RPS6KA2: variants seen among roughly 807,000 people sequenced by gnomAD.
The protein encoded by RPS6KA2 is ribosomal protein S6 kinase A2.
In RPS6KA2, 42 loss-of-function variants were observed where a neutral mutation model predicts 91.8. The observed-to-expected ratio is 0.46, with a 90% CI of 0.36 to 0.59. RPS6KA2 has a LOEUF of 0.59. Ranked by LOEUF, RPS6KA2 falls within the 20% of genes least tolerant of loss-of-function variation. The pLI is 0.00. For missense variants in RPS6KA2, 798 were observed against 978.5 expected, an observed-to-expected ratio of 0.82 and a Z score of 2.46; for synonymous variants, 414 against 393.6, an observed-to-expected ratio of 1.05 and a Z score of -0.61.
chr6:166,463,798 A>T (rs1443501396), intron 11 of RPS6KA2, among the ~76,000 whole-genome samples: 1 of 152,248 alleles, frequency 6.6e-6, no homozygotes, highest in East Asian at 1.9e-4. Flanking sequence ...AAAAATATGC[A>T]GACCAGAGAG....
At chr6:166,618,721 G>A (rs74693091) in intron 1 of RPS6KA2, among the ~76,000 whole-genome samples, 2,450 of 152,322 alleles carry the variant, frequency 0.016, 71 homozygotes, top group African/African-American at 0.056. Context: ...TAGGACGAGC[G>A]TCTCAGACGT....
chr6:166,858,626 A>C (rs1780972144), intron 1 of RPS6KA2, among the ~76,000 whole-genome samples: 1 of 152,234 alleles, frequency 6.6e-6, no homozygotes, highest in African/African-American at 2.4e-5. Context: ...AACGGAGCTG[A>C]TGTGGAAGCA....
intron 1 of RPS6KA2, among the ~76,000 whole-genome samples, chr6:166,543,844 C>T (rs1425576243): frequency 6.6e-6 from 1 of 151,050 alleles, no homozygotes; most frequent in Non-Finnish European, 1.5e-5. Flanking sequence ...CGCATGTGTA[C>T]ATGTGGAATG....
At chr6:166,678,566 C>T (rs144487331) in intron 2 of RPS6KA2, among the ~76,000 whole-genome samples, 30 of 152,358 alleles carry the variant, frequency 2.0e-4, no homozygotes, top group African/African-American at 7.0e-4. Flanking sequence ...AAGGCTTCCA[C>T]TCTGCATGTC....
intron 2 of RPS6KA2, among the ~76,000 whole-genome samples, chr6:166,725,628 G>C (rs1790313312): frequency 6.6e-6 from 1 of 152,372 alleles, no homozygotes; most frequent in East Asian, 1.9e-4. Flanking sequence ...AGTGTGAAAG[G>C]ACAAGGAGCT....
intron 2 of RPS6KA2, among the ~76,000 whole-genome samples, chr6:166,855,135 C>T (rs1368225358): frequency 1.3e-5 from 2 of 152,196 alleles, no homozygotes; most frequent in Non-Finnish European, 2.9e-5. Context: ...AGAATGAGCA[C>T]ACGTGAACAT....
intron 3 of RPS6KA2, among the ~76,000 whole-genome samples, chr6:166,530,385 C>T (rs774564722): frequency 3.3e-5 from 5 of 152,238 alleles, no homozygotes; most frequent in Non-Finnish European, 7.3e-5. Context: ...AAGCCAGCCA[C>T]ACCTTCTGCA....
In RPS6KA2 at chr6:166,435,579, A is replaced by C. The variant is rs1224233701; in HGVS notation, c.1333-3089T>G. On this transcript the variant is annotated intron_variant, in intron 14 of 20. Transcript: ENST00000265678. The surrounding 1 kb of genome is among the most constrained non-coding windows in gnomAD (Gnocchi z 4.3). ...TTGGGGAAATGGAGGAAAATGAAAG[A>C]AGCTCCCAGGCTGAGGTCCTGTGGG... 6.6e-6 allele frequency among the ~76,000 whole-genome samples: 1 copy of C among 152,246 alleles called. No individual in the cohort carries two copies. Among genetic ancestry groups the C allele is most frequent in the East Asian group, 1.9e-4 (1 of 5,198 alleles).
chr6:166,721,676 A>T (rs1790177059), intron 2 of RPS6KA2, among the ~76,000 whole-genome samples: 1 of 152,172 alleles, frequency 6.6e-6, no homozygotes, highest in Non-Finnish European at 1.5e-5. Context: ...AGTCTCGGGG[A>T]CGGGAAAGAT....
chr6:166,819,709 T>A (rs1779855815), intron 2 of RPS6KA2, among the ~76,000 whole-genome samples: 1 of 152,190 alleles, frequency 6.6e-6, no homozygotes, highest in Non-Finnish European at 1.5e-5. Flanking sequence ...TTTCTAGGGC[T>A]CTGCAGTGCC....
intron 10 of RPS6KA2, among the ~76,000 whole-genome samples, chr6:166,476,565 G>A (rs920499318): frequency 2.0e-5 from 3 of 152,134 alleles, no homozygotes; most frequent in African/African-American, 4.8e-5. Context: ...TGGACTGAAC[G>A]GAACTGTCTG....
At position 166,862,243 on chromosome 6, in the gene RPS6KA2, C is replaced by A. The variant is rs912166068; in HGVS notation, c.-73G>T. On this transcript the variant is annotated 5_prime_UTR_variant, in exon 1 of 22. Transcript: ENST00000503859. ...AAATAAACAGAGGCTCGGACCGGCACAGGGGGACGGCCAGACGGGATGTCG... is the reference window on the plus strand; with the variant it reads ...AAATAAACAGAGGCTCGGACCGGCAAAGGGGGACGGCCAGACGGGATGTCG... 5.2e-5 allele frequency: 83 copies of A among 1,608,550 alleles called. No individual in the cohort carries two copies. The African/African-American group carries it at 9.0e-4, about 17-fold the overall frequency.
chr6:166,646,559 C>A (rs1787608198), intron 2 of RPS6KA2, among the ~76,000 whole-genome samples: 1 of 152,256 alleles, frequency 6.6e-6, no homozygotes, highest in South Asian at 2.1e-4. Flanking sequence ...CCTGGTCCAG[C>A]CGCATGCCTT....
chr6:166,793,435 G>A (rs1387957911), intron 2 of RPS6KA2, among the ~76,000 whole-genome samples: 1 of 149,550 alleles, frequency 6.7e-6, no homozygotes, highest in East Asian at 1.9e-4. Flanking sequence ...TGCCCAAGGT[G>A]ATTTATAGAT....
rs1782990370 is a variant in RPS6KA2, at chr6:166,525,417, A to T, written c.298+5815T>A. On this transcript the variant is annotated intron_variant, in intron 3 of 20. Coordinates refer to ENST00000265678, the MANE Select transcript of RPS6KA2 (RefSeq NM_021135.6). ...AGCAAGGTTGCAAGCGCACCCCAGC[A>T]GTGTGGCCCCCTCAGCAGCTGAGCA... Among the ~76,000 whole-genome samples, 2 of 152,162 alleles carry T rather than the reference A, an allele frequency of 1.3e-5. 1 individual carries two copies. The highest frequency in any genetic ancestry group is 6.8e-3 in the Middle Eastern group (2 of 294).
intron 3 of RPS6KA2, among the ~76,000 whole-genome samples, chr6:166,524,336 A>T (rs781514897): frequency 6.6e-6 from 1 of 152,160 alleles, no homozygotes; most frequent in African/African-American, 2.4e-5. Context: ...ATCATTACCA[A>T]GAAATATTTC....
chr6:166,834,824 C>T (rs7770502), intron 2 of RPS6KA2, among the ~76,000 whole-genome samples: 58 of 150,570 alleles, frequency 3.9e-4, no homozygotes, highest in Admixed American at 4.7e-4. Flanking sequence ...GTTTGTATGG[C>T]GTCCTATTAT....
intron 2 of RPS6KA2, among the ~76,000 whole-genome samples, chr6:166,833,227 A>C (rs1178987634): frequency 6.6e-6 from 1 of 152,254 alleles, no homozygotes; most frequent in Non-Finnish European, 1.5e-5. Flanking sequence ...TGATGGAAGA[A>C]ACCATTCTTA....
At chr6:166,587,260 T>C (rs976716715) in intron 1 of RPS6KA2, among the ~76,000 whole-genome samples, 5 of 152,220 alleles carry the variant, frequency 3.3e-5, no homozygotes, top group African/African-American at 7.2e-5. Context: ...AAAGGCTTGG[T>C]TGGACACTGG....
Sources: allele counts gnomAD v4.1 joint callset (sites outside exome capture counted in the v4.1 genomes callset), GRCh38; gene constraint gnomAD v4.1.1; non-coding constraint Gnocchi (gnomAD v3.1); transcripts MANE v1.5; gene names NCBI Gene and HGNC (gene_info 2026-07-23, HGNC 2026-07-21).